Variants in PDSS1 observed in about 807,000 individuals in gnomAD.
The protein encoded by PDSS1 is all trans-polyprenyl-diphosphate synthase PDSS1.
In PDSS1, 43 loss-of-function variants were observed where a neutral mutation model predicts 57.5. The observed-to-expected ratio is 0.75, with a 90% confidence interval of 0.59 to 0.96. The LOEUF (loss-of-function observed/expected upper bound fraction) is 0.96, where lower values mean the gene tolerates loss of function less well. Among genes scored for constraint, PDSS1 ranks in the 50% least tolerant of loss-of-function variants. The pLI is 0.00. For missense variants in PDSS1, 438 were observed against 527.8 expected (o/e 0.83, Z 1.67); for synonymous variants, 175 against 191.3 (o/e 0.91, Z 0.70).
chr10:26,718,365 A>G (rs116852451), intron 5 of PDSS1, among the ~76,000 whole-genome samples: 2 of 152,112 alleles, frequency 1.3e-5, no homozygotes, highest in East Asian at 3.9e-4. Context: ...TGGTTTTTAT[A>G]TGCTAATTTG....
intron 8 of PDSS1, among the ~76,000 whole-genome samples, chr10:26,730,347 T>C (rs1836139069): frequency 6.6e-6 from 1 of 152,092 alleles, no homozygotes; most frequent in Non-Finnish European, 1.5e-5. Context: ...CAGTGTCTCA[T>C]GCCTGTAATC....
intron 10 of PDSS1, among the ~76,000 whole-genome samples, chr10:26,739,773 G>C (rs545317819): frequency 2.0e-5 from 3 of 152,294 alleles, no homozygotes; most frequent in South Asian, 4.1e-4. Flanking sequence ...AGGCCCAGGC[G>C]AGAGGATCAC....
At chr10:26,711,826 C>T (rs1835414973) in intron 5 of PDSS1, among the ~76,000 whole-genome samples, 1 of 94,634 alleles carries the variant, frequency 1.1e-5, no homozygotes, top group African/African-American at 3.5e-5. Context: ...CGCAGATTCG[C>T]CCCTGGTTGA....
rs1357346191 is a variant in PDSS1, at chr10:26,711,118, G to C, written c.467+1350G>C. Among the ~76,000 whole-genome samples, 2 of 97,038 alleles carry C rather than the reference G, an allele frequency of 2.1e-5. 1 individual carries two copies. Among genetic ancestry groups the C allele is most frequent in the Non-Finnish European group, 4.8e-5 (2 of 41,984 alleles). The allele number at this position is 97,038 out of a possible 152,430, so 63.7% of individuals were successfully genotyped here. On this transcript the variant is annotated intron_variant, in intron 5 of 11. Coordinates refer to ENST00000376215, the MANE Select transcript of PDSS1 (RefSeq NM_014317.5). Reference sequence around the variant, plus strand: ...TGTTTTCTGGACGTGTCAAGTCTGAGTTATCTGTTGCATGGACTCAGTCTC... The same window carrying C: ...TGTTTTCTGGACGTGTCAAGTCTGACTTATCTGTTGCATGGACTCAGTCTC...
intron 5 of PDSS1, among the ~76,000 whole-genome samples, chr10:26,713,788 G>A (rs1004831881): frequency 1.3e-5 from 2 of 152,180 alleles, no homozygotes; most frequent in Non-Finnish European, 2.9e-5. Context: ...GTCAGTGCAC[G>A]ACTCTGCCCC....
intron 5 of PDSS1, among the ~76,000 whole-genome samples, chr10:26,713,216 C>T (rs78533993): frequency 0.059 from 2,762 of 46,792 alleles, 223 homozygotes; most frequent in Admixed American, 0.075. Flanking sequence ...CGCTTGAACC[C>T]GGGAGGCAGA....
At chr10:26,739,110 G>A (rs561627504) in intron 10 of PDSS1, among the ~76,000 whole-genome samples, 1 of 152,190 alleles carries the variant, frequency 6.6e-6, no homozygotes, top group African/African-American at 2.4e-5. Context: ...TTGTAGCCAC[G>A]TTTCCAAATG....
intron 4 of PDSS1, among the ~76,000 whole-genome samples, chr10:26,706,436 T>A (rs1266871912): frequency 2.0e-5 from 3 of 152,212 alleles, no homozygotes; most frequent in Admixed American, 6.5e-5. Context: ...CTCTGGCGAT[T>A]GCCTGCTCTC....
At chr10:26,707,419 C>G (rs1435776238) in intron 4 of PDSS1, among the ~76,000 whole-genome samples, 2 of 152,164 alleles carry the variant, frequency 1.3e-5, no homozygotes, top group African/African-American at 4.8e-5. Context: ...GCTTGACCAT[C>G]ACGTGATGGT....
intron 5 of PDSS1, chr10:26,717,739 A>G (rs1209970836): frequency 6.6e-6 from 1 of 152,198 alleles, no homozygotes; most frequent in Non-Finnish European, 1.5e-5. Flanking sequence ...AATGCATGAG[A>G]AAGGCTAGAC....
chr10:26,732,071 A>G (rs1836226885), intron 8 of PDSS1, among the ~76,000 whole-genome samples: 1 of 152,214 alleles, frequency 6.6e-6, no homozygotes, highest in Admixed American at 6.5e-5. Context: ...CTTCAAACAA[A>G]ACAGTCAGCC....
intron 11 of PDSS1, among the ~76,000 whole-genome samples, chr10:26,746,052 A>C (rs1836873383): frequency 6.6e-6 from 1 of 152,176 alleles, no homozygotes; most frequent in Non-Finnish European, 1.5e-5. Context: ...GAGAAATTCT[A>C]ATAAGTAAAA....
At chr10:26,704,622 T>C in intron 2 of PDSS1, 55 bp from the exon 3 acceptor site, 3 of 811,400 alleles carry the variant, frequency 3.7e-6, no homozygotes, top group Non-Finnish European at 6.6e-6. Context: ...TATCATCCAA[T>C]GTTACAGTTT....
chr10:26,710,495 ATTT>A lies in PDSS1; in HGVS notation c.467+741_467+743del, dbSNP rs541495006. Among the ~76,000 whole-genome samples, 44 of 78,880 alleles carry A rather than the reference ATTT, an allele frequency of 5.6e-4. 12 individuals are homozygous for A. In the East Asian group the frequency reaches 8.4e-3, roughly 15 times the overall value. 51.7% of individuals were successfully genotyped at this position (78,880 alleles called of 152,430 possible). ...AGGTATGAGCCACCATGCCCGGCTAATTTTTTTTTTTTTTTTGTATTTTTAGTA... is the reference window on the plus strand; with the variant it reads ...AGGTATGAGCCACCATGCCCGGCTAATTTTTTTTTTTTTGTATTTTTAGTA... On this transcript the variant is annotated intron_variant, in intron 5 of 11. Coordinates refer to ENST00000376215, the MANE Select transcript of PDSS1 (RefSeq NM_014317.5).
intron 8 of PDSS1, among the ~76,000 whole-genome samples, chr10:26,730,117 T>G (rs570114102): frequency 6.6e-6 from 1 of 151,724 alleles, no homozygotes; most frequent in South Asian, 2.1e-4. Flanking sequence ...TTTCATGGTG[T>G]TAGCCAGGAT....
intron 5 of PDSS1, among the ~76,000 whole-genome samples, chr10:26,713,956 A>C (rs946689334): frequency 1.3e-5 from 2 of 151,934 alleles, no homozygotes; most frequent in Non-Finnish European, 2.9e-5. Context: ...TTCTACCTGC[A>C]CACCCTAGAG....
At chr10:26,735,160 A>C in intron 8 of PDSS1, 80 bp from the exon 9 acceptor site, 1 of 938,472 alleles carries the variant, frequency 1.1e-6, no homozygotes, top group South Asian at 1.3e-5. Flanking sequence ...CTCCTATTTT[A>C]AGGAATTCCT....
chr10:26,721,423 TAC>T lies in PDSS1; in HGVS notation c.609+1090_609+1091del, dbSNP rs1554795596. On this transcript the variant is annotated intron_variant, in intron 6 of 11. Transcript: ENST00000376215. ...CTTATTAAAAGAAGAGATATATGTATACACACACACACACACACACACACACA... is the reference window on the plus strand; with the variant it reads ...CTTATTAAAAGAAGAGATATATGTATACACACACACACACACACACACACA... Among the ~76,000 whole-genome samples the T allele has an allele frequency of 1.0e-3, 153 of 149,354 alleles. 1 individual carries two copies. Among genetic ancestry groups the T allele is most frequent in the East Asian group, 7.3e-3 (37 of 5,098 alleles).
chr10:26,730,006 G>A (rs1419724383), intron 8 of PDSS1, among the ~76,000 whole-genome samples: 1 of 139,166 alleles, frequency 7.2e-6, no homozygotes, highest in Non-Finnish European at 1.5e-5. Flanking sequence ...TCTGCCTCCC[G>A]GGTTCACGCC....
Sources: allele counts gnomAD v4.1 joint callset (sites outside exome capture counted in the v4.1 genomes callset), GRCh38; gene constraint gnomAD v4.1.1; transcripts MANE v1.5; gene names NCBI Gene and HGNC (gene_info 2026-07-23, HGNC 2026-07-21).